NPAS3: variants seen among roughly 807,000 people sequenced by gnomAD.
The protein encoded by NPAS3 is neuronal PAS domain-containing protein 3.
In NPAS3, 14 loss-of-function variants were observed where a neutral mutation model predicts 73.1. The observed-to-expected ratio is 0.19, with a 90% CI of 0.13 to 0.30. NPAS3 has a LOEUF of 0.30. Among genes scored for constraint, NPAS3 ranks in the 10% least tolerant of loss-of-function variants. The pLI is 1.00. For synonymous variants in NPAS3, 620 were observed against 541.5 expected (o/e 1.14, Z -2.01); for missense variants, 1,096 against 1,250.0 (o/e 0.88, Z 1.86).
intron 7 of NPAS3, among the ~76,000 whole-genome samples, chr14:33,758,409 G>A (rs574798036): frequency 6.6e-6 from 1 of 152,274 alleles, no homozygotes; most frequent in Non-Finnish European, 1.5e-5. Context: ...TTCTGCACGG[G>A]GCATCCCTCT....
At chr14:33,747,331 C>A (rs879853304) in intron 7 of NPAS3, among the ~76,000 whole-genome samples, 1 of 152,100 alleles carries the variant, frequency 6.6e-6, no homozygotes, top group African/African-American at 2.4e-5. Context: ...AGTAAACTAT[C>A]GCAAGAACAA....
chr14:33,688,305 G>A (rs1169398347), intron 6 of NPAS3, among the ~76,000 whole-genome samples: 4 of 152,184 alleles, frequency 2.6e-5, no homozygotes, highest in Non-Finnish European at 5.9e-5. Flanking sequence ...ATGAATGTTA[G>A]CTTAGTAAAA....
chr14:33,437,751 A>G (rs1309309161), intron 4 of NPAS3, among the ~76,000 whole-genome samples: 1 of 152,218 alleles, frequency 6.6e-6, no homozygotes, highest in East Asian at 1.9e-4. Flanking sequence ...GACATTATGG[A>G]CTAGTATATT....
intron 4 of NPAS3, among the ~76,000 whole-genome samples, chr14:33,525,933 C>A (rs534222900): frequency 6.6e-6 from 1 of 150,846 alleles, no homozygotes; most frequent in African/African-American, 2.4e-5. Context: ...TAAACCATGA[C>A]AAAAATAAAT....
chr14:33,281,693 C>G (rs926533594), intron 3 of NPAS3, among the ~76,000 whole-genome samples: 1 of 152,148 alleles, frequency 6.6e-6, no homozygotes, highest in Admixed American at 6.5e-5. Flanking sequence ...TAAGTCAGGA[C>G]TAAGAATTTT....
At chr14:33,123,239 GA>G (rs2139049855) in intron 2 of NPAS3, among the ~76,000 whole-genome samples, 1 of 152,090 alleles carries the variant, frequency 6.6e-6, no homozygotes, top group Admixed American at 6.5e-5. Context: ...ATCATCACGG[GA>G]GACATTTGGG....
chr14:33,502,797 A>G (rs2052581003), intron 4 of NPAS3, among the ~76,000 whole-genome samples: 1 of 151,932 alleles, frequency 6.6e-6, no homozygotes, highest in African/African-American at 2.4e-5. Flanking sequence ...ACTTACTGCA[A>G]GCTGTCCCCC....
At chr14:33,089,112 G>A (rs1318779125) in intron 2 of NPAS3, among the ~76,000 whole-genome samples, 1 of 152,080 alleles carries the variant, frequency 6.6e-6, no homozygotes, top group Non-Finnish European at 1.5e-5. Flanking sequence ...CCAAAGGAAC[G>A]CAGCTGCTCG....
chr14:33,340,969 A>C (rs1382663861), intron 3 of NPAS3, among the ~76,000 whole-genome samples: 1 of 152,214 alleles, frequency 6.6e-6, no homozygotes, highest in Non-Finnish European at 1.5e-5. Flanking sequence ...GAACAAACAA[A>C]TATACAGATG....
intron 5 of NPAS3, among the ~76,000 whole-genome samples, chr14:33,585,419 T>C (rs1328669868): frequency 1.3e-5 from 2 of 152,222 alleles, no homozygotes; most frequent in Non-Finnish European, 2.9e-5. Context: ...GCCTTGACCA[T>C]GGACTTCTCC....
intron 5 of NPAS3, among the ~76,000 whole-genome samples, chr14:33,587,431 T>C (rs1400995245): frequency 6.6e-6 from 1 of 152,224 alleles, no homozygotes; most frequent in Non-Finnish European, 1.5e-5. Context: ...TCACATGTAA[T>C]AACTGGGTGT....
At chr14:33,731,183 C>G (rs2061388586) in intron 6 of NPAS3, among the ~76,000 whole-genome samples, 2 of 152,034 alleles carry the variant, frequency 1.3e-5, no homozygotes, top group Non-Finnish European at 2.9e-5. Context: ...AATCTCAGCA[C>G]TTGGAGGGGC....
rs74042369 is a variant in NPAS3 at position 33,671,898 on chromosome 14, G to A, written c.559-4313G>A. Among the ~76,000 whole-genome samples the A allele has an allele frequency of 4.0e-3, 604 of 152,128 alleles. 3 individuals carry two copies. Among genetic ancestry groups the A allele is most frequent in the African/African-American group, 0.014 (586 of 41,438 alleles). On this transcript the variant is annotated intron_variant, in intron 5 of 11. Coordinates refer to ENST00000356141, the Ensembl canonical transcript of NPAS3. The stretch of plus-strand genomic sequence containing the variant: ...CTTAGAATGCAATTTGCACTAATCA[G>A]AAGAACACATTATTGGAGGGGGGAA...
exon 12 of NPAS3, chr14:33,799,915 C>A: frequency 6.2e-7 from 1 of 1,614,196 alleles, no homozygotes; most frequent in South Asian, 1.1e-5. Flanking sequence ...AGCACTCGGA[C>A]TTTGAGAACC....
intron 5 of NPAS3, among the ~76,000 whole-genome samples, chr14:33,626,782 A>T (rs538234442): frequency 6.6e-6 from 1 of 152,324 alleles, no homozygotes; most frequent in South Asian, 2.1e-4. Flanking sequence ...AAAAGAAACC[A>T]AATACATCAG....
intron 1 of NPAS3, among the ~76,000 whole-genome samples, chr14:32,995,212 C>T (rs1415504412): frequency 6.6e-6 from 1 of 152,228 alleles, no homozygotes; most frequent in Non-Finnish European, 1.5e-5. Flanking sequence ...ATCAGCCCAT[C>T]CAACTCCCTC....
At chr14:33,682,292 G>A (rs2059962275) in intron 6 of NPAS3, among the ~76,000 whole-genome samples, 1 of 152,192 alleles carries the variant, frequency 6.6e-6, no homozygotes, top group Non-Finnish European at 1.5e-5. Flanking sequence ...AAATCGGTCT[G>A]ACTTCTGTTA....
intron 2 of NPAS3, among the ~76,000 whole-genome samples, chr14:33,143,427 G>T (rs1050370693): frequency 7.2e-5 from 11 of 151,932 alleles, no homozygotes; most frequent in African/African-American, 2.7e-4. Context: ...GGAGGCAGAG[G>T]TTGAGGTGAG....
chr14:33,638,900 G>C (rs1343817725), intron 5 of NPAS3, among the ~76,000 whole-genome samples: 1 of 152,128 alleles, frequency 6.6e-6, no homozygotes, highest in African/African-American at 2.4e-5. Context: ...ATGACTTCTA[G>C]TATTATTTTT....
Sources: allele counts gnomAD v4.1 joint callset (sites outside exome capture counted in the v4.1 genomes callset), GRCh38; gene constraint gnomAD v4.1.1; transcripts MANE v1.5; gene names NCBI Gene and HGNC (gene_info 2026-07-23, HGNC 2026-07-21).